The following CDK14 variants were observed in gnomAD, a reference collection of about 807,000 sequenced individuals.
CDK14 encodes cyclin-dependent kinase 14.
Under a neutral mutation model 60.7 loss-of-function variants are expected in CDK14, and 34 were observed. That is an observed-to-expected ratio of 0.56 (90% CI 0.43 to 0.75). The LOEUF (loss-of-function observed/expected upper bound fraction) is 0.75, where lower values mean the gene tolerates loss of function less well. Ranked by LOEUF, CDK14 falls within the 30% of genes least tolerant of loss-of-function variation. CDK14 has a pLI of 0.00. For missense variants in CDK14, 482 were observed against 564.1 expected, an observed-to-expected ratio of 0.85 and a Z score of 1.47; for synonymous variants, 197 against 203.7, an observed-to-expected ratio of 0.97 and a Z score of 0.28.
intron 2 of CDK14, among the ~76,000 whole-genome samples, chr7:90,649,256 C>CTTTGTTTCTTTGTTTCTTTGTT (rs1303940369): frequency 2.1e-5 from 1 of 47,318 alleles, no homozygotes. Flanking sequence ...TTCTTTCTTT[C>CTTTGTTTCTTTGTTTCTTTGTT]TTTCTTTCTT....
At chr7:90,829,625 C>CA (rs936914047) in intron 5 of CDK14, among the ~76,000 whole-genome samples, 1 of 152,110 alleles carries the variant, frequency 6.6e-6, no homozygotes, top group African/African-American at 2.4e-5. Flanking sequence ...TCCGCCCCCC[C>CA]AGGTTCAAGC....
At chr7:90,643,979 A>AT (rs1584764217) in intron 2 of CDK14, among the ~76,000 whole-genome samples, 1 of 152,214 alleles carries the variant, frequency 6.6e-6, no homozygotes, top group East Asian at 1.9e-4. Context: ...ATGTGACTGT[A>AT]TTTATGGATA....
At chr7:90,681,684 G>A (rs1208708151) in intron 2 of CDK14, among the ~76,000 whole-genome samples, 1 of 152,060 alleles carries the variant, frequency 6.6e-6, no homozygotes, top group Non-Finnish European at 1.5e-5. Context: ...GGATACAGGT[G>A]TTACTAAACT....
chr7:90,608,199 G>T (rs1799460336), intron 2 of CDK14, among the ~76,000 whole-genome samples: 1 of 152,066 alleles, frequency 6.6e-6, no homozygotes, highest in Non-Finnish European at 1.5e-5. Context: ...ATGTCCTTAA[G>T]TGGCCCCATT....
At chr7:90,840,599 T>C (rs1219371268) in intron 5 of CDK14, among the ~76,000 whole-genome samples, 2 of 152,198 alleles carry the variant, frequency 1.3e-5, no homozygotes, top group East Asian at 3.9e-4. Flanking sequence ...GGTTGGAGAA[T>C]TGGATACATA....
chr7:90,814,090 A>G (rs1789251053), intron 5 of CDK14, among the ~76,000 whole-genome samples: 1 of 152,164 alleles, frequency 6.6e-6, no homozygotes, highest in Non-Finnish European at 1.5e-5. Context: ...ACTTTTGTTG[A>G]CTCTAAACTT....
At position 90,878,504 on chromosome 7, in the gene CDK14, T is replaced by C. The variant is rs915167241; in HGVS notation, c.639+15235T>C. Among the ~76,000 whole-genome samples, 11 of 152,326 alleles carry C rather than the reference T, an allele frequency of 7.2e-5. No homozygotes were observed. In the South Asian group the frequency reaches 2.1e-3, roughly 29 times the overall value. On this transcript the variant is annotated intron_variant, in intron 6 of 14. Transcript: ENST00000380050. ...CATTTCAACTAGTAAATATAATGCA[T>C]TTCTTTTACACAACAGACATACTGT...
intron 5 of CDK14, among the ~76,000 whole-genome samples, chr7:90,811,203 C>G (rs578099011): frequency 5.3e-5 from 8 of 152,276 alleles, no homozygotes; most frequent in African/African-American, 1.9e-4. Context: ...ATCATGCTAC[C>G]TGACTTCAAA....
chr7:90,627,207 G>T (rs898388473), intron 2 of CDK14, among the ~76,000 whole-genome samples: 4 of 151,494 alleles, frequency 2.6e-5, no homozygotes, highest in Admixed American at 2.6e-4. Flanking sequence ...GGCTACTATT[G>T]GTCAGCACAG....
intron 5 of CDK14, among the ~76,000 whole-genome samples, chr7:90,859,152 C>T (rs922395004): frequency 5.3e-5 from 8 of 152,244 alleles, no homozygotes; most frequent in Non-Finnish European, 8.8e-5. Context: ...TGGGAATATA[C>T]ATTGTTGCTC....
intron 10 of CDK14, among the ~76,000 whole-genome samples, chr7:91,030,877 C>A (rs751690850): frequency 5.3e-5 from 8 of 152,188 alleles, no homozygotes; most frequent in Admixed American, 1.3e-4. Context: ...CCTCCCTTGG[C>A]TGGAGTTGCT....
chr7:90,731,036 G>A (rs1051212371), intron 3 of CDK14, among the ~76,000 whole-genome samples: 3 of 152,176 alleles, frequency 2.0e-5, no homozygotes, highest in African/African-American at 7.2e-5. Flanking sequence ...TGTATAAGGT[G>A]TAAGCAAGGG....
intron 14 of CDK14, among the ~76,000 whole-genome samples, chr7:91,202,188 A>C (rs747252170): frequency 1.3e-5 from 2 of 152,204 alleles, no homozygotes; most frequent in South Asian, 2.1e-4. Context: ...CATAGGGCAC[A>C]TGGGTCAGAA....
chr7:91,040,065 CAG>C (rs2115993142), intron 10 of CDK14, among the ~76,000 whole-genome samples: 1 of 152,320 alleles, frequency 6.6e-6, no homozygotes, highest in African/African-American at 2.4e-5. Flanking sequence ...GCCTGGACAA[CAG>C]AATGAAATCC....
intron 2 of CDK14, among the ~76,000 whole-genome samples, chr7:90,668,472 C>T (rs1459511496): frequency 6.6e-6 from 1 of 152,004 alleles, no homozygotes; most frequent in Non-Finnish European, 1.5e-5. Context: ...TTTTCATTTT[C>T]TTAATGTTAT....
chr7:91,115,816 G>C (rs1799593061), intron 13 of CDK14, among the ~76,000 whole-genome samples: 6 of 152,148 alleles, frequency 3.9e-5, no homozygotes, highest in Admixed American at 3.9e-4. Flanking sequence ...TCAGACTCTG[G>C]CTTTGGAAGA....
intron 10 of CDK14, among the ~76,000 whole-genome samples, chr7:91,045,344 G>C (rs1797202923): frequency 6.6e-6 from 1 of 152,190 alleles, no homozygotes; most frequent in Non-Finnish European, 1.5e-5. Flanking sequence ...AGGAAAACAT[G>C]TAGAAAGAAC....
In CDK14 at chr7:91,061,386, T is replaced by G. The variant is rs566403036; in HGVS notation, c.1105+15426T>G. On this transcript the variant is annotated intron_variant, in intron 11 of 14. Coordinates refer to ENST00000380050, the MANE Select transcript of CDK14 (RefSeq NM_001287135.2). ...CAGAGTAGTTTGATCGTCTGAAGCC[T>G]TCTTCTCTCAATTCGTCAAAGTCAT... 2.6e-5 allele frequency among the ~76,000 whole-genome samples: 4 copies of G among 152,342 alleles called. No homozygotes were observed. In the South Asian group the frequency reaches 8.3e-4, roughly 32 times the overall value.
rs747439482 is a variant in CDK14, at chr7:90,874,503, C to CT, written c.639+11270dup. 3.1e-3 allele frequency among the ~76,000 whole-genome samples: 150 copies of CT among 48,008 alleles called. 44 individuals carry two copies. Among genetic ancestry groups the CT allele is most frequent in the African/African-American group, 9.5e-3 (139 of 14,614 alleles). 31.5% of individuals were successfully genotyped at this position (48,008 alleles called of 152,430 possible). A position where few individuals can be genotyped will look rare whatever the true frequency, so the allele number is the denominator to read the frequency against. On this transcript the variant is annotated intron_variant, in intron 6 of 14. Transcript: ENST00000380050. ...ATCTGGAATCTCATGTCCTTTCATC[C>CT]TTTTTTTTTTTTTTTTTTTTTTTTT...
Sources: allele counts gnomAD v4.1 joint callset (sites outside exome capture counted in the v4.1 genomes callset), GRCh38; gene constraint gnomAD v4.1.1; transcripts MANE v1.5; gene names NCBI Gene and HGNC (gene_info 2026-07-23, HGNC 2026-07-21).